Variants in AKR1C3 observed in about 807,000 individuals in gnomAD.
The protein encoded by AKR1C3 is 3-alpha hydroxysteroid dehydrogenase, type II.
Under a neutral mutation model 43.6 loss-of-function variants are expected in AKR1C3, and 48 were observed. The ratio of observed to expected loss-of-function variants is 1.10; its 90% CI spans 0.87 to 1.40. AKR1C3 has a LOEUF of 1.40. AKR1C3 is among the 40% of genes most tolerant of loss of function. AKR1C3 has a pLI of 0.00. For missense variants in AKR1C3, 482 were observed against 391.2 expected (o/e 1.23, Z -1.96); for synonymous variants, 162 against 139.6 (o/e 1.16, Z -1.13).
intron 1 of AKR1C3, among the ~76,000 whole-genome samples, chr10:5,067,606 T>C (rs998072636): frequency 5.3e-5 from 8 of 152,188 alleles, no homozygotes; most frequent in African/African-American, 1.9e-4. Context: ...GGAAAGCTTT[T>C]ATACAACCAG....
At chr10:5,075,997 T>A (rs1554781811) in intron 1 of AKR1C3, among the ~76,000 whole-genome samples, 2 of 152,194 alleles carry the variant, frequency 1.3e-5, no homozygotes, top group African/African-American at 4.8e-5. Flanking sequence ...CACTGGTTTC[T>A]GAGCTATTCA....
At chr10:5,105,435 T>G in intron 7 of AKR1C3, 160 bp from the exon 8 acceptor site, 40 of 533,466 alleles carry the variant, frequency 7.5e-5, no homozygotes, top group East Asian at 1.8e-4. Flanking sequence ...TTATTTTTCG[T>G]GAGCTATTCA....
intron 1 of AKR1C3, chr10:5,081,961 C>T (rs1295143321): frequency 1.3e-5 from 2 of 152,192 alleles, no homozygotes; most frequent in Admixed American, 6.5e-5. Flanking sequence ...GAAGTAGAAG[C>T]TACATGGCAT....
chr10:5,062,865 A>G (rs1838409452), intron 1 of AKR1C3, among the ~76,000 whole-genome samples: 1 of 151,748 alleles, frequency 6.6e-6, no homozygotes. Context: ...AAAAAAAAAA[A>G]AAAAAGGAAA....
chr10:5,099,207 C>T (rs782152306), intron 4 of AKR1C3, 120 bp from the exon 5 acceptor site: 7 of 1,499,624 alleles, frequency 4.7e-6, no homozygotes, highest in Non-Finnish European at 6.3e-6. Flanking sequence ...TTTTGACAAT[C>T]ACTGCTAGCT....
intron 1 of AKR1C3, among the ~76,000 whole-genome samples, chr10:5,083,035 G>T (rs566432966): frequency 6.6e-6 from 1 of 151,650 alleles, no homozygotes; most frequent in African/African-American, 2.4e-5. Flanking sequence ...ATTCAATGTT[G>T]GGAGGTTGTG....
Position 5,096,578 on chromosome 10 carries a change from G to T in AKR1C3, c.252+1G>T. On this transcript the variant is annotated splice_donor_variant, in intron 2 of 8. Coordinates refer to ENST00000380554, the MANE Select transcript of AKR1C3 (RefSeq NM_003739.6). LOFTEE classifies it high-confidence loss of function. ...AGAAGACATATTCTACACTTCAAAG[G>T]TACTGTGTCTATGATGAGCTTGTGT... 1 of 1,612,728 alleles carries T rather than the reference G, an allele frequency of 6.2e-7. No individual in the cohort carries two copies. The highest frequency in any genetic ancestry group is 1.1e-5 in the South Asian group (1 of 90,884).
intron 1 of AKR1C3, among the ~76,000 whole-genome samples, chr10:5,072,651 G>A (rs782056775): frequency 6.6e-6 from 1 of 152,134 alleles, no homozygotes; most frequent in Non-Finnish European, 1.5e-5. Context: ...ACAACTGCCT[G>A]CTTGTCATAA....
chr10:5,058,535 G>T (rs1317041434), intron 1 of AKR1C3, among the ~76,000 whole-genome samples: 1 of 152,106 alleles, frequency 6.6e-6, no homozygotes, highest in African/African-American at 2.4e-5. Context: ...AGACAAAATT[G>T]CCTGTGGTTT....
chr10:5,066,088 A>T (rs1045237408), intron 1 of AKR1C3, among the ~76,000 whole-genome samples: 2 of 152,174 alleles, frequency 1.3e-5, no homozygotes, highest in Non-Finnish European at 2.9e-5. Context: ...AGAGGAAATG[A>T]ATTGGGTTAA....
chr10:5,099,391 G>T lies in AKR1C3; in HGVS notation c.512G>T (p.Arg171Met), dbSNP rs367953972. ...ATTGGGGTGTCAAACTTCAACCGCA[G>T]GCAGCTGGAGATGATCCTCAACAAG... ...KSIGVSNFNR[R>M]QLEMILNKPG... Residue 171 changes from arginine (R) to methionine (M), a missense_variant, in exon 5 of 9, where the codon AGG becomes ATG. Transcript: ENST00000380554. 2.5e-6 allele frequency: 4 copies of T among 1,614,058 alleles called. No individual in the cohort carries two copies. Among genetic ancestry groups the T allele is most frequent in the Non-Finnish European group, 3.4e-6 (4 of 1,180,048 alleles).
chr10:5,100,336 TCA>T (rs1839317169), intron 5 of AKR1C3, among the ~76,000 whole-genome samples: 2 of 152,304 alleles, frequency 1.3e-5, no homozygotes, highest in South Asian at 4.1e-4. Context: ...AGGTAACTGT[TCA>T]CAGTGGATGA....
intron 1 of AKR1C3, among the ~76,000 whole-genome samples, chr10:5,060,301 C>T (rs1210187337): frequency 1.2e-4 from 19 of 152,178 alleles, no homozygotes; most frequent in Admixed American, 1.2e-3. Flanking sequence ...TCTGGTCCCA[C>T]CCACATCCTG....
intron 7 of AKR1C3, 50 bp from the exon 8 acceptor site, chr10:5,105,545 G>C (rs782442964): frequency 7.2e-7 from 1 of 1,381,274 alleles, no homozygotes; most frequent in Non-Finnish European, 1.0e-6. Flanking sequence ...TATACTTGGG[G>C]ATTCACAACT....
upstream of AKR1C3, among the ~76,000 whole-genome samples, chr10:5,091,526 G>GT (rs1554784170): frequency 1.3e-5 from 2 of 151,936 alleles, no homozygotes; most frequent in African/African-American, 4.8e-5. Flanking sequence ...AATTAACAAT[G>GT]TTTTTTGTGT....
intron 1 of AKR1C3, among the ~76,000 whole-genome samples, chr10:5,080,116 T>C: frequency 6.6e-6 from 1 of 152,168 alleles, no homozygotes; most frequent in Non-Finnish European, 1.5e-5. Context: ...TTTTCTTTCC[T>C]TCCCTCTCAC....
At chr10:5,091,678 T>C (rs1239391742), upstream of AKR1C3, among the ~76,000 whole-genome samples, 2 of 152,160 alleles carry the variant, frequency 1.3e-5, no homozygotes, top group Admixed American at 6.6e-5. Context: ...CCAATTTAAC[T>C]GCAATCCTAT....
At chr10:5,061,897 T>G (rs1838390939) in intron 1 of AKR1C3, among the ~76,000 whole-genome samples, 1 of 152,136 alleles carries the variant, frequency 6.6e-6, no homozygotes, top group African/African-American at 2.4e-5. Flanking sequence ...CATATTACTC[T>G]CAAATTAAGG....
chr10:5,092,791 A>G (rs1554784516), upstream of AKR1C3, among the ~76,000 whole-genome samples: 10 of 152,052 alleles, frequency 6.6e-5, no homozygotes. Flanking sequence ...TTCAGTGCTC[A>G]TGGTTCTTCA....
Sources: allele counts gnomAD v4.1 joint callset (sites outside exome capture counted in the v4.1 genomes callset), GRCh38; gene constraint gnomAD v4.1.1; transcripts MANE v1.5; gene names NCBI Gene and HGNC (gene_info 2026-07-23, HGNC 2026-07-21).